Variants in TMCC1 observed in about 807,000 individuals in gnomAD.
TMCC1 encodes the protein transmembrane and coiled-coil domain family 1, also known as transmembrane and coiled-coil domains protein 1.
TMCC1 carries 15 observed loss-of-function variants against 52.4 expected under a neutral mutation model. The ratio of observed to expected loss-of-function variants is 0.29; its 90% CI spans 0.19 to 0.44. The LOEUF is 0.44. Ranked by LOEUF, TMCC1 falls within the 20% of genes least tolerant of loss-of-function variation. TMCC1 has a pLI of 1.00. For missense variants in TMCC1, 503 were observed against 806.0 expected (o/e 0.62, Z 4.55); for synonymous variants, 279 against 301.9 (o/e 0.92, Z 0.79).
At position 129,743,158 on chromosome 3, in the gene TMCC1, T is replaced by C. The variant is rs115221299; in HGVS notation, c.577-71894A>G. Reference sequence around the variant, plus strand: ...ACTAAAAGCCATGGACTGTATACTTTCAATGGGTGAGGTGTATGGTATAAG... The same window carrying C: ...ACTAAAAGCCATGGACTGTATACTTCCAATGGGTGAGGTGTATGGTATAAG... On this transcript the variant is annotated intron_variant, in intron 4 of 6. Transcript: ENST00000393238. 9.4e-3 allele frequency among the ~76,000 whole-genome samples: 1,434 copies of C among 152,290 alleles called. 13 individuals carry two copies. Among genetic ancestry groups the C allele is most frequent in the Non-Finnish European group, 0.016 (1,054 of 67,994 alleles).
At chr3:129,762,826 T>C (rs1194124430) in intron 4 of TMCC1, among the ~76,000 whole-genome samples, 1 of 151,822 alleles carries the variant, frequency 6.6e-6, no homozygotes, top group Non-Finnish European at 1.5e-5. Flanking sequence ...ATAAAAAATG[T>C]TTTGTTAAAG....
At chr3:129,764,751 GTGTGTGTATATATATATA>G (rs1432220090) in intron 4 of TMCC1, among the ~76,000 whole-genome samples, 1 of 4,476 alleles carries the variant, frequency 2.2e-4, no homozygotes, top group African/African-American at 6.4e-4. Context: ...GTGTGTGTGT[GTGTGTGTATATATATATA>G]TATATATATA....
chr3:129,827,997 G>C lies in TMCC1; in HGVS notation c.382C>G (p.Pro128Ala). Residue 128 changes from proline (P) to alanine (A), a missense_variant, in exon 4 of 7, where the codon CCA becomes GCA. This residue lies in a region of TMCC1 where 217 missense variants were observed against 297.9 expected (regional missense o/e 0.73). Transcript: ENST00000393238. The part of the protein sequence containing the change: ...GTSLHSRRGK[P>A]EAPKGSPQIN... ...TGGGGACTTCCCTTTGGGGCCTCTG[G>C]CTTGCCCCGCCTACTATGCAAGCTT... 1.9e-6 allele frequency: 3 copies of C among 1,614,108 alleles called. No homozygotes were observed. The highest frequency in any genetic ancestry group is 1.3e-5 in the African/African-American group (1 of 75,026).
chr3:129,812,284 G>C (rs549524961), intron 4 of TMCC1, among the ~76,000 whole-genome samples: 1 of 126,256 alleles, frequency 7.9e-6, no homozygotes, highest in East Asian at 2.8e-4. Context: ...GGAGGGTGCA[G>C]TGAGATCACG....
At chr3:129,835,629 C>T (rs1226075061) in intron 2 of TMCC1, among the ~76,000 whole-genome samples, 9 of 152,112 alleles carry the variant, frequency 5.9e-5, no homozygotes, top group African/African-American at 1.9e-4. Context: ...AAGCAATCTG[C>T]AATATGTTTT....
intron 4 of TMCC1, among the ~76,000 whole-genome samples, chr3:129,750,819 C>T (rs576512068): frequency 2.0e-3 from 300 of 150,992 alleles, no homozygotes; most frequent in Non-Finnish European, 2.9e-3. Flanking sequence ...TTGTGATCCA[C>T]CCGCCACAGC....
intron 2 of TMCC1, among the ~76,000 whole-genome samples, chr3:129,842,840 G>A (rs1003386112): frequency 6.6e-6 from 1 of 152,074 alleles, no homozygotes; most frequent in African/African-American, 2.4e-5. Flanking sequence ...AAAAATATTT[G>A]CAAGTATAGC....
At chr3:129,805,942 A>C (rs1378951351) in intron 4 of TMCC1, among the ~76,000 whole-genome samples, 5 of 152,154 alleles carry the variant, frequency 3.3e-5, no homozygotes, top group East Asian at 1.9e-4. Context: ...TTCAAAAAAA[A>C]ACAAAAAAAC....
At chr3:129,682,815 T>C (rs958555273) in intron 4 of TMCC1, among the ~76,000 whole-genome samples, 6 of 152,240 alleles carry the variant, frequency 3.9e-5, no homozygotes, top group South Asian at 2.1e-4. Context: ...TTTCTGATCT[T>C]TTCCCCTTCT....
At chr3:129,823,726 C>G (rs552627839) in intron 4 of TMCC1, among the ~76,000 whole-genome samples, 2 of 152,308 alleles carry the variant, frequency 1.3e-5, no homozygotes, top group African/African-American at 4.8e-5. Flanking sequence ...ATCTATGACT[C>G]TTTGGAAGCA....
intron 2 of TMCC1, among the ~76,000 whole-genome samples, chr3:129,872,057 G>T (rs1303028901): frequency 6.6e-6 from 1 of 152,200 alleles, no homozygotes; most frequent in East Asian, 1.9e-4. Context: ...GAAAATATCT[G>T]TTAAAAATTT....
chr3:129,752,702 A>G (rs1459257895), intron 4 of TMCC1, among the ~76,000 whole-genome samples: 1 of 152,192 alleles, frequency 6.6e-6, no homozygotes. Flanking sequence ...ACATTAAAAC[A>G]GTAAGTACCA....
intron 2 of TMCC1, among the ~76,000 whole-genome samples, chr3:129,870,455 G>A (rs1463979126): frequency 6.6e-6 from 1 of 151,764 alleles, no homozygotes; most frequent in South Asian, 2.1e-4. Flanking sequence ...TGGCTAATGA[G>A]GCTGGACAGC....
At chr3:129,887,487 A>G (rs2061765200) in intron 1 of TMCC1, among the ~76,000 whole-genome samples, 1 of 150,734 alleles carries the variant, frequency 6.6e-6, no homozygotes, top group Admixed American at 6.6e-5. Flanking sequence ...GGCTGCAGTG[A>G]GCCAAGATCG....
Position 129,724,682 on chromosome 3 carries a change from T to TA in TMCC1, c.577-53419dup, listed in dbSNP as rs558911289. 2.3e-4 allele frequency among the ~76,000 whole-genome samples: 35 copies of TA among 152,270 alleles called. No individual in the cohort carries two copies. The South Asian group carries it at 7.3e-3, about 32-fold the overall frequency. ...TTCTTCCTCCAAAGAAGAGGGGCAC[T>TA]AAAAAAGGAGCCAGAACATGAATTT... On this transcript the variant is annotated intron_variant, in intron 4 of 6. Coordinates refer to ENST00000393238, the MANE Select transcript of TMCC1 (RefSeq NM_001017395.5).
At chr3:129,688,612 T>G in intron 4 of TMCC1, 1 of 985,484 alleles carries the variant, frequency 1.0e-6, no homozygotes, top group Non-Finnish European at 1.2e-6. Context: ...GTAGCAACTC[T>G]TAGAGCTTTC....
chr3:129,889,199 A>T (rs1577240100), intron 1 of TMCC1, among the ~76,000 whole-genome samples: 1 of 152,054 alleles, frequency 6.6e-6, no homozygotes, highest in African/African-American at 2.4e-5. Flanking sequence ...TTGACCCCAG[A>T]GTGTTGAGGC....
At chr3:129,791,546 T>G (rs1320448120) in intron 4 of TMCC1, among the ~76,000 whole-genome samples, 1 of 152,194 alleles carries the variant, frequency 6.6e-6, no homozygotes, top group Non-Finnish European at 1.5e-5. Context: ...AACAAGCTGA[T>G]ACTATCTAAC....
chr3:129,760,914 C>G (rs1201384703), intron 4 of TMCC1, among the ~76,000 whole-genome samples: 1 of 152,022 alleles, frequency 6.6e-6, no homozygotes, highest in African/African-American at 2.4e-5. Context: ...ACCCAGCCCA[C>G]GTTACTATTT....
Sources: allele counts gnomAD v4.1 joint callset (sites outside exome capture counted in the v4.1 genomes callset), GRCh38; gene constraint gnomAD v4.1.1; regional missense constraint gnomAD v4.1.1; transcripts MANE v1.5; gene names NCBI Gene and HGNC (gene_info 2026-07-23, HGNC 2026-07-21).